KCNQ1: variants seen among roughly 807,000 people sequenced by gnomAD.
KCNQ1 encodes the protein potassium voltage-gated channel subfamily KQT member 1.
KCNQ1 carries 49 observed loss-of-function variants against 72.4 expected under a neutral mutation model. That is an observed-to-expected ratio of 0.68 (90% CI 0.54 to 0.86). The LOEUF is 0.86. Ranked by LOEUF, KCNQ1 falls within the 40% of genes least tolerant of loss-of-function variation. The pLI is 0.00. For missense variants in KCNQ1, 790 were observed against 945.1 expected (o/e 0.84, Z 2.15); for synonymous variants, 450 against 412.6 (o/e 1.09, Z -1.10).
At position 2,759,083 on chromosome 11, in the gene KCNQ1, T is replaced by C. The variant is rs911909083; in HGVS notation, c.1515-9761T>C. The stretch of plus-strand genomic sequence containing the variant: ...AAGGTGTGACCGTCGCGAACTCACG[T>C]AGAGGGCATACAGGACCTCTTGGTA... On this transcript the variant is annotated intron_variant, in intron 11 of 15. Transcript: ENST00000155840. The surrounding 1 kb of genome is among the most constrained non-coding windows in gnomAD (Gnocchi z 4.4). Among the ~76,000 whole-genome samples, 3 of 150,620 alleles carry C rather than the reference T, an allele frequency of 2.0e-5. No individual in the cohort carries two copies. The highest frequency in any genetic ancestry group is 6.6e-5 in the Admixed American group (1 of 15,150).
At position 2,715,358 on chromosome 11, in the gene KCNQ1, T is replaced by A. The variant is rs1851075545; in HGVS notation, c.1514+53277T>A. Among the ~76,000 whole-genome samples the A allele has an allele frequency of 6.6e-6, 1 of 151,540 alleles. No homozygotes were observed. On this transcript the variant is annotated intron_variant, in intron 11 of 15. Transcript: ENST00000155840. The surrounding 1 kb of genome is among the most constrained non-coding windows in gnomAD (Gnocchi z 4.9). ...CCTTACCCCGGAGGAGCCAGGAAGG[T>A]GGACAGAGCAGGCAGGAGTGGGGCA...
chr11:2,545,971 TTTCA>T (rs1173306001), intron 2 of KCNQ1, among the ~76,000 whole-genome samples: 1 of 152,172 alleles, frequency 6.6e-6, no homozygotes, highest in Non-Finnish European at 1.5e-5. Flanking sequence ...CAGCTTTTGG[TTTCA>T]TTATTTTTTT....
intron 1 of KCNQ1, among the ~76,000 whole-genome samples, chr11:2,506,859 G>T (rs904579032): frequency 6.6e-6 from 1 of 152,214 alleles, no homozygotes; most frequent in Non-Finnish European, 1.5e-5. Context: ...TAAAAGTCAT[G>T]TGTGTGTGTA....
rs1208173521 is a variant in KCNQ1, at chr11:2,571,515, G to A, written c.683+112G>A. On this transcript the variant is annotated intron_variant, in intron 4 of 15. Coordinates refer to ENST00000155840, the MANE Select transcript of KCNQ1 (RefSeq NM_000218.3). Reference sequence around the variant, plus strand: ...CCTTGCTCAGATGCAAGGTGCCTTGGTGCCCACTGCCCCCGGGGGCACTGA... The same window carrying A: ...CCTTGCTCAGATGCAAGGTGCCTTGATGCCCACTGCCCCCGGGGGCACTGA... 3.5e-6 allele frequency: 3 copies of A among 863,882 alleles called. No homozygotes were observed. The East Asian group carries it at 7.7e-5, about 22-fold the overall frequency. 53.5% of individuals were successfully genotyped at this position (863,882 alleles called of 1,614,324 possible).
chr11:2,717,498 G>A (rs568900441), intron 11 of KCNQ1, among the ~76,000 whole-genome samples: 1 of 152,090 alleles, frequency 6.6e-6, no homozygotes, highest in African/African-American at 2.4e-5. Flanking sequence ...CTTTTCCCTG[G>A]CTTTCTTCCA....
intron 11 of KCNQ1, among the ~76,000 whole-genome samples, chr11:2,702,709 G>A (rs984484186): frequency 2.6e-5 from 4 of 152,050 alleles, no homozygotes; most frequent in Admixed American, 1.3e-4. Flanking sequence ...CAAATTCCCC[G>A]CCTGTGATAT....
intron 1 of KCNQ1, among the ~76,000 whole-genome samples, chr11:2,512,793 G>A (rs940329376): frequency 5.3e-5 from 8 of 152,202 alleles, no homozygotes; most frequent in Non-Finnish European, 7.3e-5. Flanking sequence ...CTGGAGTTCA[G>A]GTAAACAACC....
At chr11:2,503,044 T>C (rs1473146882) in intron 1 of KCNQ1, among the ~76,000 whole-genome samples, 2 of 152,248 alleles carry the variant, frequency 1.3e-5, no homozygotes, top group Middle Eastern at 3.4e-3. Context: ...TCAAAGTGAA[T>C]TCAAGAATTA....
In KCNQ1 at chr11:2,564,810, G is replaced by A. The variant is rs764409954; in HGVS notation, c.478-5818G>A. Among the ~76,000 whole-genome samples the A allele has an allele frequency of 9.9e-5, 15 of 152,116 alleles. No homozygotes were observed. Among genetic ancestry groups the A allele is most frequent in the Non-Finnish European group, 1.5e-4 (10 of 68,028 alleles). ...CCTCTGTGAATCTGATGACTGTAGC[G>A]ACCTCACGTGAGTGGAAGCAGATAG... On this transcript the variant is annotated intron_variant, in intron 2 of 15. Transcript: ENST00000155840. The surrounding 1 kb of genome is among the most constrained non-coding windows in gnomAD (Gnocchi z 4.5).
chr11:2,706,467 A>G (rs937705875), intron 11 of KCNQ1, among the ~76,000 whole-genome samples: 7 of 152,242 alleles, frequency 4.6e-5, no homozygotes, highest in African/African-American at 1.7e-4. Context: ...GCAGCCTCAC[A>G]GGAGATCAGA....
At position 2,537,850 on chromosome 11, in the gene KCNQ1, G is replaced by A. The variant is rs575982326; in HGVS notation, c.477+9832G>A. Among the ~76,000 whole-genome samples, 1 of 152,148 alleles carries A rather than the reference G, an allele frequency of 6.6e-6. No homozygotes were observed. Among genetic ancestry groups the A allele is most frequent in the Admixed American group, 6.5e-5 (1 of 15,284 alleles). On this transcript the variant is annotated intron_variant, in intron 2 of 15. Coordinates refer to ENST00000155840, the MANE Select transcript of KCNQ1 (RefSeq NM_000218.3). The surrounding 1 kb of genome is among the most constrained non-coding windows in gnomAD (Gnocchi z 5.2). Reference sequence around the variant, plus strand: ...CCCACTTCAGCCTCCTGAGCAGCTGGGACTGTGGGTGCGTGCCACCATGCC... The same window carrying A: ...CCCACTTCAGCCTCCTGAGCAGCTGAGACTGTGGGTGCGTGCCACCATGCC...
intron 11 of KCNQ1, among the ~76,000 whole-genome samples, chr11:2,744,596 C>G (rs1050186622): frequency 6.6e-6 from 1 of 152,080 alleles, no homozygotes; most frequent in Non-Finnish European, 1.5e-5. Context: ...CTTACTAGGC[C>G]CTGGGGATAA....
chr11:2,827,796 T>A lies in KCNQ1; in HGVS notation c.1795-19971T>A, dbSNP rs1014550867. 2.6e-5 allele frequency among the ~76,000 whole-genome samples: 4 copies of A among 151,360 alleles called. No individual in the cohort carries two copies. Among genetic ancestry groups the A allele is most frequent in the African/African-American group, 9.7e-5 (4 of 41,074 alleles). The stretch of plus-strand genomic sequence containing the variant: ...TACACTTCAGCGGCTCAGGCCAGGG[T>A]GTAAGTAGCAGGTATGTGGTGGTAC... On this transcript the variant is annotated intron_variant, in intron 15 of 15. Transcript: ENST00000155840. The surrounding 1 kb of genome is among the most constrained non-coding windows in gnomAD (Gnocchi z 6.7).
chr11:2,690,145 CCT>C lies in KCNQ1; in HGVS notation c.1514+28066_1514+28067del. On this transcript the variant is annotated intron_variant, in intron 11 of 15. Coordinates refer to ENST00000155840, the MANE Select transcript of KCNQ1 (RefSeq NM_000218.3). This position sits in a 1 kb window ranked among gnomAD's most constrained non-coding sequence, Gnocchi z 5.1. Reference sequence around the variant, plus strand: ...GGAGCAGGGACAAAAAGCGGGCAGCCCTCCCCAGCATGACAGGATGTGGAAGG... The same window carrying C: ...GGAGCAGGGACAAAAAGCGGGCAGCCCCCCAGCATGACAGGATGTGGAAGG... 1 of 398,922 alleles carries C rather than the reference CCT, an allele frequency of 2.5e-6. No individual in the cohort carries two copies. Among genetic ancestry groups the C allele is most frequent in the Non-Finnish European group, 4.4e-6 (1 of 226,316 alleles). The allele number at this position is 398,922 out of a possible 1,614,324, so 24.7% of individuals were successfully genotyped here. A position where few individuals can be genotyped will look rare whatever the true frequency, so the allele number is the denominator to read the frequency against.
In KCNQ1 at chr11:2,611,359, A is replaced by T. The variant is rs1848977597; in HGVS notation, c.1393+22505A>T. ...CTCAGCATCCCAAGTAGCTGGGACT[A>T]CAGGCATTTGCCACCATACCCAGCT... On this transcript the variant is annotated intron_variant, in intron 10 of 15. Coordinates refer to ENST00000155840, the MANE Select transcript of KCNQ1 (RefSeq NM_000218.3). This position sits in a 1 kb window ranked among gnomAD's most constrained non-coding sequence, Gnocchi z 5.3. 1 of 397,410 alleles carries T rather than the reference A, an allele frequency of 2.5e-6. No individual in the cohort carries two copies. Among genetic ancestry groups the T allele is most frequent in the Non-Finnish European group, 4.4e-6 (1 of 225,964 alleles). 24.6% of individuals were successfully genotyped at this position (397,410 alleles called of 1,614,324 possible). A position where few individuals can be genotyped will look rare whatever the true frequency, so the allele number is the denominator to read the frequency against.
At chr11:2,460,248 G>T (rs1846255997) in intron 1 of KCNQ1, among the ~76,000 whole-genome samples, 1 of 152,228 alleles carries the variant, frequency 6.6e-6, no homozygotes, top group South Asian at 2.1e-4. Flanking sequence ...GGCAGGCCGG[G>T]CAGGGTGGCT....
rs1032807013 is a variant in KCNQ1 at position 2,683,484 on chromosome 11, T to A, written c.1514+21403T>A. On this transcript the variant is annotated intron_variant, in intron 11 of 15. Transcript: ENST00000155840. This position sits in a 1 kb window ranked among gnomAD's most constrained non-coding sequence, Gnocchi z 4.7. ...ATTCCATCAATGACAGTTTTCCTAT[T>A]AAAACATAACTTGTTAAAGCATAGA... 12 of 398,528 alleles carry A rather than the reference T, an allele frequency of 3.0e-5. No individual in the cohort carries two copies. Among genetic ancestry groups the A allele is most frequent in the African/African-American group, 2.1e-4 (10 of 48,624 alleles). 24.7% of individuals were successfully genotyped at this position (398,528 alleles called of 1,614,324 possible).
chr11:2,816,667 G>C lies in KCNQ1; in HGVS notation c.1795-31100G>C, dbSNP rs904474354. On this transcript the variant is annotated intron_variant, in intron 15 of 15. Transcript: ENST00000155840. This position sits in a 1 kb window ranked among gnomAD's most constrained non-coding sequence, Gnocchi z 6.8. ...GGCTAACCATGATGTTTCATTAAGGGAGAAATGCACTTGCTGCTCCTGGAA... is the reference window on the plus strand; with the variant it reads ...GGCTAACCATGATGTTTCATTAAGGCAGAAATGCACTTGCTGCTCCTGGAA... Among the ~76,000 whole-genome samples the C allele has an allele frequency of 2.0e-5, 3 of 152,044 alleles. No individual in the cohort carries two copies. The highest frequency in any genetic ancestry group is 4.4e-5 in the Non-Finnish European group (3 of 67,980).
At chr11:2,840,072 C>G (rs889044769) in intron 15 of KCNQ1, 1 of 152,180 alleles carries the variant, frequency 6.6e-6, no homozygotes, top group Non-Finnish European at 1.5e-5. Flanking sequence ...CTTTTGACTC[C>G]CCAGAAACTT....
Sources: gnomAD v4.1 joint callset for allele counts (sites outside exome capture counted in the v4.1 genomes callset) on GRCh38, gnomAD v4.1.1 for gene constraint, Gnocchi (gnomAD v3.1) non-coding constraint, MANE v1.5 for transcripts, NCBI Gene and HGNC (gene_info 2026-07-23, HGNC 2026-07-21) for gene names.